PDE10A: variants seen among roughly 807,000 people sequenced by gnomAD.
PDE10A encodes the protein cAMP and cAMP-inhibited cGMP 3',5'-cyclic phosphodiesterase 10A.
Under a neutral mutation model 97.7 loss-of-function variants are expected in PDE10A, and 39 were observed. The ratio of observed to expected loss-of-function variants is 0.40; its 90% CI spans 0.31 to 0.52. PDE10A has a LOEUF of 0.52. PDE10A is among the 20% of genes least tolerant of loss of function. The pLI is 0.56. For synonymous variants in PDE10A, 371 were observed against 376.8 expected (o/e 0.98, Z 0.18); for missense variants, 731 against 1,047.8 (o/e 0.70, Z 4.17).
chr6:165,418,615 C>T lies in PDE10A; in HGVS notation c.1796+20G>A, dbSNP rs200657172. 1.2e-6 allele frequency: 2 copies of T among 1,608,310 alleles called. No homozygotes were observed. Among genetic ancestry groups the T allele is most frequent in the African/African-American group, 1.3e-5 (1 of 74,952 alleles). ...GCACATCTACCGTAAGAGGATAGGA[C>T]ATTCTACTTCTAGCTGTACCTTATC... On this transcript the variant is annotated intron_variant, in intron 11 of 21. Transcript: ENST00000539869. The surrounding 1 kb of genome is among the most constrained non-coding windows in gnomAD (Gnocchi z 4.8).
Position 165,367,477 on chromosome 6 carries a change from G to A in PDE10A, c.2783+11717C>T, listed in dbSNP as rs562910086. On this transcript the variant is annotated intron_variant, in intron 18 of 21. Coordinates refer to ENST00000539869, the MANE Select transcript of PDE10A (RefSeq NM_001385079.1). ...GTCTCAGAAGAAAAGAGACATAATG[G>A]GGCAGAAAAAACATCTGAAGAAATG... is the stretch of plus-strand genomic sequence containing the variant. 2.0e-5 allele frequency among the ~76,000 whole-genome samples: 3 copies of A among 151,932 alleles called. No individual in the cohort carries two copies. The South Asian group carries it at 6.3e-4, about 32-fold the overall frequency.
At chr6:165,940,927 A>G (rs1456572989) in intron 1 of PDE10A, among the ~76,000 whole-genome samples, 1 of 152,188 alleles carries the variant, frequency 6.6e-6, no homozygotes, top group Non-Finnish European at 1.5e-5. Context: ...TAGAACTTAA[A>G]TTGTTTCATC....
At position 165,770,319 on chromosome 6, in the gene PDE10A, AAGAAAGAAAGAAGG is replaced by A. The variant is rs1415280719; in HGVS notation, c.-615+217196_-615+217209del. 4.6e-5 allele frequency among the ~76,000 whole-genome samples: 7 copies of A among 152,324 alleles called. No individual in the cohort carries two copies. In the South Asian group the frequency reaches 6.2e-4, roughly 14 times the overall value. On this transcript the variant is annotated intron_variant, in intron 1 of 19. Coordinates refer to the PDE10A transcript ENST00000366882. ...GTAGAATAACATCTTTTTAAAAAAAAAGAAAGAAAGAAGGAGAAAGAAAGAAGGAAAGAGAAATC... is the reference window on the plus strand; with the variant it reads ...GTAGAATAACATCTTTTTAAAAAAAAAGAAAGAAAGAAGGAAAGAGAAATC...
chr6:165,813,638 G>C (rs1217023759), intron 1 of PDE10A, among the ~76,000 whole-genome samples: 1 of 152,166 alleles, frequency 6.6e-6, no homozygotes, highest in African/African-American at 2.4e-5. Flanking sequence ...AATCTGACCT[G>C]TTCATAGCAC....
At chr6:165,427,073 CAT>C (rs752012435) in intron 10 of PDE10A, among the ~76,000 whole-genome samples, 3 of 152,022 alleles carry the variant, frequency 2.0e-5, no homozygotes, top group Non-Finnish European at 4.4e-5. Context: ...AAAAGTGAAA[CAT>C]AGAACTACTA....
chr6:165,965,090 T>C lies in PDE10A; in HGVS notation c.-615+22439A>G, dbSNP rs1784471595. ...CTTACAGGGCACAGTGCAGATGTGATATATTTTAGAAGAAGCAATATAGAG... is the reference window on the plus strand; with the variant it reads ...CTTACAGGGCACAGTGCAGATGTGACATATTTTAGAAGAAGCAATATAGAG... On this transcript the variant is annotated intron_variant, in intron 1 of 19. Coordinates refer to the PDE10A transcript ENST00000366882. 3.3e-5 allele frequency among the ~76,000 whole-genome samples: 5 copies of C among 152,228 alleles called. No homozygotes were observed. The East Asian group carries it at 7.7e-4, about 23-fold the overall frequency.
At chr6:165,510,856 G>A (rs1781468543) in intron 2 of PDE10A, among the ~76,000 whole-genome samples, 1 of 151,644 alleles carries the variant, frequency 6.6e-6, no homozygotes, top group African/African-American at 2.4e-5. Context: ...GTATTTCTGT[G>A]GTATCAGTTG....
chr6:165,799,563 T>A (rs1462947236), intron 1 of PDE10A, among the ~76,000 whole-genome samples: 1 of 152,230 alleles, frequency 6.6e-6, no homozygotes, highest in African/African-American at 2.4e-5. Flanking sequence ...CATAAGGCAC[T>A]GTTTCATCCA....
At chr6:165,789,789 T>G (rs1778598872) in intron 1 of PDE10A, among the ~76,000 whole-genome samples, 1 of 145,054 alleles carries the variant, frequency 6.9e-6, no homozygotes. Context: ...TATCTTACTT[T>G]TCTCCTTTAG....
At chr6:165,366,355 C>T (rs1295405268) in intron 18 of PDE10A, among the ~76,000 whole-genome samples, 1 of 151,946 alleles carries the variant, frequency 6.6e-6, no homozygotes, top group East Asian at 1.9e-4. Flanking sequence ...TTACTATATA[C>T]CTTAAAAAGC....
At chr6:165,463,942 T>C (rs150422706) in intron 3 of PDE10A, among the ~76,000 whole-genome samples, 4,242 of 152,324 alleles carry the variant, frequency 0.028, 198 homozygotes, top group African/African-American at 0.094. Context: ...TTTAATTAGG[T>C]CCATCCCTTC....
chr6:165,394,673 C>T (rs1785999305), intron 15 of PDE10A, among the ~76,000 whole-genome samples: 1 of 152,358 alleles, frequency 6.6e-6, no homozygotes, highest in African/African-American at 2.4e-5. Context: ...AACTAATTTA[C>T]ATTCCCACCA....
intron 1 of PDE10A, among the ~76,000 whole-genome samples, chr6:165,704,844 G>A (rs532871583): frequency 7.9e-5 from 12 of 152,286 alleles, no homozygotes; most frequent in African/African-American, 2.4e-4. Flanking sequence ...GGGGAAAGGC[G>A]TACTTAGACA....
chr6:165,953,604 AT>A (rs1412900721), intron 1 of PDE10A, among the ~76,000 whole-genome samples: 3 of 148,180 alleles, frequency 2.0e-5, no homozygotes, highest in Admixed American at 6.7e-5. Context: ...AAAAAAAAAA[AT>A]AGATTTCTAT....
At chr6:165,616,154 A>G (rs1461026889) in intron 1 of PDE10A, among the ~76,000 whole-genome samples, 1 of 151,986 alleles carries the variant, frequency 6.6e-6, no homozygotes, top group Non-Finnish European at 1.5e-5. Context: ...ACTTGGCCCT[A>G]TTCGCATGAC....
Position 165,332,938 on chromosome 6 carries a change from C to G in PDE10A, c.*87G>C. On this transcript the variant is annotated 3_prime_UTR_variant, in exon 22 of 22. Coordinates refer to ENST00000539869, the MANE Select transcript of PDE10A (RefSeq NM_001385079.1). ...ACCCCAGTTACCAGGTGCAGGTTCC[C>G]CCCACCCCCCCCAAAAAAAGGAAAA... 1.7e-6 allele frequency: 1 copy of G among 605,824 alleles called. No homozygotes were observed. Among genetic ancestry groups the G allele is most frequent in the African/African-American group, 1.9e-5 (1 of 52,916 alleles). The allele number at this position is 605,824 out of a possible 1,614,324, so 37.5% of individuals were successfully genotyped here.
intron 1 of PDE10A, among the ~76,000 whole-genome samples, chr6:165,823,019 A>G (rs1287534355): frequency 2.6e-5 from 4 of 151,794 alleles, no homozygotes; most frequent in Non-Finnish European, 4.4e-5. Context: ...TTTTTAGTAG[A>G]GATGGGGTTT....
chr6:165,344,849 T>C (rs773403242), intron 18 of PDE10A, among the ~76,000 whole-genome samples: 1 of 152,158 alleles, frequency 6.6e-6, no homozygotes, highest in Non-Finnish European at 1.5e-5. Context: ...TTTACAAACA[T>C]TGGTTAGATT....
At chr6:165,582,013 A>G (rs1249539875) in intron 1 of PDE10A, among the ~76,000 whole-genome samples, 2 of 152,368 alleles carry the variant, frequency 1.3e-5, no homozygotes, top group East Asian at 3.9e-4. Flanking sequence ...GAACACTAAC[A>G]ACATGCTATA....
Sources: gnomAD v4.1 joint callset for allele counts (sites outside exome capture counted in the v4.1 genomes callset) on GRCh38, gnomAD v4.1.1 for gene constraint, Gnocchi (gnomAD v3.1) non-coding constraint, MANE v1.5 for transcripts, NCBI Gene and HGNC (gene_info 2026-07-23, HGNC 2026-07-21) for gene names.